Variants in CDYL2 observed in about 807,000 individuals in gnomAD.
CDYL2 encodes the protein chromodomain Y-like protein 2.
A neutral mutation model predicts 49.4 loss-of-function variants in CDYL2; 23 were observed. The ratio of observed to expected loss-of-function variants is 0.47; its 90% CI spans 0.34 to 0.66. CDYL2 has a LOEUF of 0.66. CDYL2 is among the 30% of genes least tolerant of loss of function. The pLI, the probability that CDYL2 is intolerant of heterozygous loss-of-function variation, is 0.01. For synonymous variants in CDYL2, 360 were observed against 268.8 expected, an observed-to-expected ratio of 1.34 and a Z score of -3.32; for missense variants, 678 against 656.4, an observed-to-expected ratio of 1.03 and a Z score of -0.36.
intron 1 of CDYL2, among the ~76,000 whole-genome samples, chr16:80,759,120 A>ATATATATATATATGGTT (rs1555535888): frequency 6.5e-5 from 8 of 122,700 alleles, no homozygotes; most frequent in African/African-American, 1.4e-4. Context: ...ATATATATAT[A>ATATATATATATATGGTT]TATATATATA....
chr16:80,766,527 G>A (rs1906731318), intron 1 of CDYL2, among the ~76,000 whole-genome samples: 1 of 152,122 alleles, frequency 6.6e-6, no homozygotes, highest in Admixed American at 6.5e-5. Flanking sequence ...GGGGAAAAAA[G>A]GACTGTAATA....
chr16:80,760,304 G>C (rs1021605456), intron 1 of CDYL2, among the ~76,000 whole-genome samples: 1 of 152,180 alleles, frequency 6.6e-6, no homozygotes, highest in African/African-American at 2.4e-5. Flanking sequence ...AGTGTCAATA[G>C]AGAATAGAAG....
At chr16:80,758,642 A>T (rs1332951784) in intron 1 of CDYL2, among the ~76,000 whole-genome samples, 1 of 146,620 alleles carries the variant, frequency 6.8e-6, no homozygotes, top group East Asian at 2.0e-4. Flanking sequence ...TCCCTGGTTC[A>T]CGCCATTCTC....
intron 2 of CDYL2, among the ~76,000 whole-genome samples, chr16:80,677,215 A>AC (rs199875162): frequency 0.027 from 4,125 of 151,842 alleles, 88 homozygotes; most frequent in African/African-American, 0.057. Flanking sequence ...CAAGCTATCC[A>AC]CTGCCTCAGC....
rs143978843 is a variant in CDYL2 at position 80,607,145 on chromosome 16, G to A, written c.1362+947C>T. Among the ~76,000 whole-genome samples, 1,499 of 152,186 alleles carry A rather than the reference G, an allele frequency of 9.8e-3. 18 individuals are homozygous for A. Among genetic ancestry groups the A allele is most frequent in the African/African-American group, 0.034 (1,428 of 41,526 alleles). On this transcript the variant is annotated intron_variant, in intron 6 of 6. Transcript: ENST00000570137. ...GAGATCAGAAATGCTCGTGGCCCGCGTGAGTGTTGACTAACAACCTGGAGA... is the reference window on the plus strand; with the variant it reads ...GAGATCAGAAATGCTCGTGGCCCGCATGAGTGTTGACTAACAACCTGGAGA...
At position 80,712,191 on chromosome 16, in the gene CDYL2, G is replaced by GTATATATATATATA. The variant is rs60399715; in HGVS notation, c.25-27076_25-27063dup. Among the ~76,000 whole-genome samples, 147 of 107,904 alleles carry GTATATATATATATA rather than the reference G, an allele frequency of 1.4e-3. 2 individuals carry two copies. Among genetic ancestry groups the GTATATATATATATA allele is most frequent in the East Asian group, 2.9e-3 (12 of 4,068 alleles). The allele number at this position is 107,904 out of a possible 152,430, so 70.8% of individuals were successfully genotyped here. A position where few individuals can be genotyped will look rare whatever the true frequency, so the allele number is the denominator to read the frequency against. ...TATATGTGTCTTTGTGTCTGTGTGT[G>GTATATATATATATA]TATATATATATATATATATATATAT... On this transcript the variant is annotated intron_variant, in intron 1 of 6. Coordinates refer to ENST00000570137, the MANE Select transcript of CDYL2 (RefSeq NM_152342.4).
rs75755539 is a variant in CDYL2 at position 80,732,745 on chromosome 16, A to C, written c.25-47616T>G. ...GGGCATTACATGAGATTTGAAGATG[A>C]CTTTGAATTGGCAGACTGTGATGTA... On this transcript the variant is annotated intron_variant, in intron 1 of 6. Transcript: ENST00000570137. Among the ~76,000 whole-genome samples, 1,500 of 152,278 alleles carry C rather than the reference A, an allele frequency of 9.9e-3. 33 individuals are homozygous for C. The highest frequency in any genetic ancestry group is 0.034 in the African/African-American group (1,406 of 41,548).
chr16:80,732,017 T>C (rs1239647011), intron 1 of CDYL2, among the ~76,000 whole-genome samples: 1 of 151,920 alleles, frequency 6.6e-6, no homozygotes, highest in Admixed American at 6.6e-5. Flanking sequence ...TGAAACAGGA[T>C]AGAAATTTTC....
intron 1 of CDYL2, among the ~76,000 whole-genome samples, chr16:80,773,206 G>C (rs1458550395): frequency 1.3e-5 from 2 of 152,086 alleles, no homozygotes; most frequent in African/African-American, 4.8e-5. Context: ...GAGTTAGAAA[G>C]TGGAATTTTT....
At chr16:80,679,416 G>C (rs1909886338) in intron 2 of CDYL2, among the ~76,000 whole-genome samples, 2 of 152,100 alleles carry the variant, frequency 1.3e-5, no homozygotes, top group African/African-American at 4.8e-5. Flanking sequence ...CTGGAATCCA[G>C]CTGGGCCGTG....
chr16:80,776,620 A>G (rs1907092012), intron 1 of CDYL2, among the ~76,000 whole-genome samples: 1 of 150,000 alleles, frequency 6.7e-6, no homozygotes, highest in South Asian at 2.1e-4. Flanking sequence ...ATATTTTAAT[A>G]TTTTGTGTAT....
chr16:80,672,757 T>C (rs1280444710), intron 2 of CDYL2, among the ~76,000 whole-genome samples: 1 of 152,136 alleles, frequency 6.6e-6, no homozygotes, highest in Non-Finnish European at 1.5e-5. Context: ...ACAACCTACT[T>C]CATAGAATTG....
At chr16:80,754,121 A>G (rs1000640792) in intron 1 of CDYL2, among the ~76,000 whole-genome samples, 5 of 152,200 alleles carry the variant, frequency 3.3e-5, no homozygotes, top group Non-Finnish European at 7.4e-5. Context: ...TACAAGCTCA[A>G]CACAATCCTA....
chr16:80,728,211 C>A (rs34782993), intron 1 of CDYL2, among the ~76,000 whole-genome samples: 51,182 of 151,110 alleles, frequency 0.34, 8,795 homozygotes, highest in East Asian at 0.45. Flanking sequence ...AAAATTTAGA[C>A]GAATGTATAA....
intron 1 of CDYL2, among the ~76,000 whole-genome samples, chr16:80,768,122 T>C (rs1333138766): frequency 6.6e-6 from 1 of 152,196 alleles, no homozygotes; most frequent in Non-Finnish European, 1.5e-5. Flanking sequence ...AGAAACAGTT[T>C]GAACCCTAGC....
At position 80,604,262 on chromosome 16, in the gene CDYL2, G is replaced by T; in HGVS notation, c.*126C>A. ...AGGAGGAGCAACCAAAGGACACGAG[G>T]AAATGGACACAACCCTACGTATAAA... On this transcript the variant is annotated 3_prime_UTR_variant, in exon 7 of 7. Coordinates refer to ENST00000570137, the MANE Select transcript of CDYL2 (RefSeq NM_152342.4). 9.4e-7 allele frequency: 1 copy of T among 1,060,444 alleles called. No individual in the cohort carries two copies. Among genetic ancestry groups the T allele is most frequent in the Non-Finnish European group, 1.4e-6 (1 of 723,222 alleles). The allele number at this position is 1,060,444 out of a possible 1,614,324, so 65.7% of individuals were successfully genotyped here.
intron 1 of CDYL2, among the ~76,000 whole-genome samples, chr16:80,772,756 T>C (rs1023388606): frequency 6.6e-6 from 1 of 152,046 alleles, no homozygotes; most frequent in African/African-American, 2.4e-5. Context: ...TGGCCCAAAA[T>C]GCCAATTAAA....
intron 1 of CDYL2, among the ~76,000 whole-genome samples, chr16:80,756,418 T>C (rs1402855120): frequency 6.6e-6 from 1 of 151,934 alleles, no homozygotes; most frequent in East Asian, 1.9e-4. Flanking sequence ...TAACAAAAAA[T>C]GGCAGTAATT....
intron 2 of CDYL2, among the ~76,000 whole-genome samples, chr16:80,648,898 A>C (rs943414459): frequency 3.9e-5 from 6 of 152,196 alleles, no homozygotes; most frequent in Non-Finnish European, 4.4e-5. Context: ...CAAAAACCAT[A>C]TGATTATTTC....
Sources: allele counts gnomAD v4.1 joint callset (sites outside exome capture counted in the v4.1 genomes callset), GRCh38; gene constraint gnomAD v4.1.1; transcripts MANE v1.5; gene names NCBI Gene and HGNC (gene_info 2026-07-23, HGNC 2026-07-21).